Variants in TNKS observed in about 807,000 individuals in gnomAD.
TNKS encodes the protein tankyrase, also known as poly [ADP-ribose] polymerase tankyrase-1.
TNKS carries 72 observed loss-of-function variants against 135.8 expected under a neutral mutation model. That is an observed-to-expected ratio of 0.53 (90% CI 0.44 to 0.64). The LOEUF is 0.64. Ranked by LOEUF, TNKS falls within the 30% of genes least tolerant of loss-of-function variation. TNKS has a pLI of 0.00. For missense variants in TNKS, 1,769 were observed against 1,674.0 expected (o/e 1.06, Z -0.99); for synonymous variants, 849 against 649.3 (o/e 1.31, Z -4.68).
intron 11 of TNKS, among the ~76,000 whole-genome samples, chr8:9,710,888 T>A (rs930766479): frequency 2.0e-5 from 3 of 151,946 alleles, no homozygotes; most frequent in Admixed American, 1.3e-4. Flanking sequence ...AGAGTGAGAA[T>A]CTGTCTCAAA....
intron 4 of TNKS, among the ~76,000 whole-genome samples, chr8:9,680,199 C>T (rs1276983393): frequency 1.3e-5 from 2 of 152,112 alleles, no homozygotes; most frequent in African/African-American, 4.8e-5. Context: ...TTATTTGGAA[C>T]ATTTCCTAAG....
chr8:9,593,669 C>T lies in TNKS; in HGVS notation c.898+13286C>T, dbSNP rs565593971. On this transcript the variant is annotated intron_variant, in intron 2 of 26. Coordinates refer to ENST00000310430, the MANE Select transcript of TNKS (RefSeq NM_003747.3). ...TTCCTTATAACTTCCTTTTGTGTGT[C>T]TGCTATTTAGAAAGATATGTTTCAT... Among the ~76,000 whole-genome samples the T allele has an allele frequency of 5.3e-5, 8 of 152,156 alleles. No homozygotes were observed. The South Asian group carries it at 1.7e-3, about 32-fold the overall frequency.
At position 9,570,842 on chromosome 8, in the gene TNKS, G is replaced by A. The variant is rs554277143; in HGVS notation, c.674-9317G>A. Among the ~76,000 whole-genome samples the A allele has an allele frequency of 1.1e-4, 17 of 152,284 alleles. 2 individuals carry two copies. The highest frequency in any genetic ancestry group is 4.1e-4 in the African/African-American group (17 of 41,562). ...TACTGTATACCCAGTGTGGTGGCAT[G>A]TCTGTAGCCCCGGCTACTAGAGAGG... On this transcript the variant is annotated intron_variant, in intron 1 of 26. Transcript: ENST00000310430.
At chr8:9,748,345 G>C (rs1302625948) in intron 18 of TNKS, 133 bp downstream of exon 18, 1 of 729,522 alleles carries the variant, frequency 1.4e-6, no homozygotes, top group Non-Finnish European at 1.9e-6. Context: ...AATTTTTGAA[G>C]TTCACACTTT....
At chr8:9,609,224 C>T (rs4310210) in intron 2 of TNKS, among the ~76,000 whole-genome samples, 44,097 of 151,958 alleles carry the variant, frequency 0.29, 6,733 homozygotes, top group East Asian at 0.39. Flanking sequence ...CTGCTCGTTG[C>T]AGGTTTTGCA....
chr8:9,732,582 A>G (rs887276986), intron 14 of TNKS, among the ~76,000 whole-genome samples: 6 of 151,058 alleles, frequency 4.0e-5, no homozygotes, highest in African/African-American at 7.3e-5. Flanking sequence ...CCAAAACTAA[A>G]AAAAAAAAAA....
chr8:9,572,487 A>G (rs376604011), intron 1 of TNKS, among the ~76,000 whole-genome samples: 5 of 152,042 alleles, frequency 3.3e-5, no homozygotes, highest in South Asian at 4.1e-4. Context: ...CCCATCCTCT[A>G]TCTCTCTTAC....
chr8:9,773,423 T>G (rs1808053565), intron 26 of TNKS, among the ~76,000 whole-genome samples: 1 of 152,196 alleles, frequency 6.6e-6, no homozygotes, highest in Non-Finnish European at 1.5e-5. Flanking sequence ...ACCATGTATT[T>G]TAAATATACT....
At chr8:9,647,131 C>T (rs1800948168) in intron 3 of TNKS, among the ~76,000 whole-genome samples, 1 of 152,186 alleles carries the variant, frequency 6.6e-6, no homozygotes, top group African/African-American at 2.4e-5. Context: ...AAAGGTATAA[C>T]TTTAAAAAGC....
intron 18 of TNKS, among the ~76,000 whole-genome samples, chr8:9,750,915 C>A (rs201401780): frequency 6.6e-6 from 1 of 152,214 alleles, no homozygotes; most frequent in Non-Finnish European, 1.5e-5. Flanking sequence ...TAGTCTAGCC[C>A]AAACTTCTGT....
At position 9,746,041 on chromosome 8, in the gene TNKS, C is replaced by A. The variant is rs570670193; in HGVS notation, c.2644-1983C>A. Among the ~76,000 whole-genome samples, 3 of 152,184 alleles carry A rather than the reference C, an allele frequency of 2.0e-5. No individual in the cohort carries two copies. The South Asian group carries it at 6.2e-4, about 32-fold the overall frequency. Reference sequence around the variant, plus strand: ...TTTTCCCATTCTCATAAATGTCTTCCTTAAAAGCCTCAATGTGTGGTAGTC... The same window carrying A: ...TTTTCCCATTCTCATAAATGTCTTCATTAAAAGCCTCAATGTGTGGTAGTC... On this transcript the variant is annotated intron_variant, in intron 17 of 26. Transcript: ENST00000310430.
chr8:9,649,138 T>C (rs867724640), intron 3 of TNKS, among the ~76,000 whole-genome samples: 2 of 152,212 alleles, frequency 1.3e-5, no homozygotes, highest in Non-Finnish European at 2.9e-5. Flanking sequence ...AAGTTTGGTG[T>C]GCTATACTTG....
At chr8:9,593,328 A>G (rs984385048) in intron 2 of TNKS, among the ~76,000 whole-genome samples, 1 of 152,170 alleles carries the variant, frequency 6.6e-6, no homozygotes. Flanking sequence ...TTACTTTGCC[A>G]CAGTCTGTAG....
At chr8:9,608,642 C>T (rs4562329) in intron 2 of TNKS, among the ~76,000 whole-genome samples, 29,658 of 152,098 alleles carry the variant, frequency 0.19, 3,138 homozygotes, top group East Asian at 0.29. Context: ...TCACAGACAT[C>T]TGGGGCCTGC....
chr8:9,589,181 T>G (rs568240577), intron 2 of TNKS, among the ~76,000 whole-genome samples: 8 of 152,310 alleles, frequency 5.3e-5, no homozygotes, highest in Admixed American at 1.3e-4. Flanking sequence ...AACAATAATC[T>G]ACTTTCACTT....
At chr8:9,722,369 T>C (rs1218072073) in intron 12 of TNKS, 2 of 152,190 alleles carry the variant, frequency 1.3e-5, no homozygotes, top group Non-Finnish European at 2.9e-5. Context: ...GTGAAAACTA[T>C]TGATGAGGAT....
intron 2 of TNKS, among the ~76,000 whole-genome samples, chr8:9,606,331 A>T (rs536602976): frequency 1.3e-5 from 2 of 151,932 alleles, no homozygotes; most frequent in African/African-American, 4.8e-5. Flanking sequence ...CCCAAGTCTG[A>T]ATAACATAGT....
At chr8:9,690,947 T>C (rs1429236381) in intron 5 of TNKS, among the ~76,000 whole-genome samples, 1 of 152,162 alleles carries the variant, frequency 6.6e-6, no homozygotes, top group African/African-American at 2.4e-5. Context: ...TAGTTCAACC[T>C]CCCAATGCAG....
chr8:9,722,115 TAGC>T (rs1804917140), intron 12 of TNKS, among the ~76,000 whole-genome samples: 6 of 148,958 alleles, frequency 4.0e-5, no homozygotes, highest in Non-Finnish European at 7.4e-5. Flanking sequence ...AAAGGGAAAA[TAGC>T]AGTAAGTTAC....
Sources: allele counts gnomAD v4.1 joint callset (sites outside exome capture counted in the v4.1 genomes callset), GRCh38; gene constraint gnomAD v4.1.1; transcripts MANE v1.5; gene names NCBI Gene and HGNC (gene_info 2026-07-23, HGNC 2026-07-21).